TCF12: variants seen among roughly 807,000 people sequenced by gnomAD.
TCF12 encodes the protein transcription factor 12.
In TCF12, 45 loss-of-function variants were observed where a neutral mutation model predicts 86.0. That is an observed-to-expected ratio of 0.52 (90% confidence interval 0.41 to 0.67). TCF12 has a LOEUF of 0.67. TCF12 is among the 30% of genes least tolerant of loss of function. TCF12 has a pLI of 0.00. For missense variants in TCF12, 881 were observed against 859.9 expected (o/e 1.02, Z -0.31); for synonymous variants, 330 against 299.6 (o/e 1.10, Z -1.05).
At chr15:57,235,207 A>G (rs936464420) in intron 12 of TCF12, among the ~76,000 whole-genome samples, 6 of 152,184 alleles carry the variant, frequency 3.9e-5, no homozygotes, top group Non-Finnish European at 8.8e-5. Flanking sequence ...AATGACAATA[A>G]CAAAACCCAC....
chr15:57,275,998 T>C (rs2061380281), intron 19 of TCF12, among the ~76,000 whole-genome samples: 1 of 152,172 alleles, frequency 6.6e-6, no homozygotes, highest in Non-Finnish European at 1.5e-5. Flanking sequence ...ATTTGTACCT[T>C]TGCCATTTTT....
chr15:57,234,214 C>A, intron 12 of TCF12, 107 bp downstream of exon 12: 1 of 847,632 alleles, frequency 1.2e-6, no homozygotes, highest in Non-Finnish European at 2.0e-6. Context: ...GTAACAAGAT[C>A]AATTTCATTA....
chr15:57,047,521 C>CA (rs1439857721), intron 3 of TCF12, among the ~76,000 whole-genome samples: 1 of 152,066 alleles, frequency 6.6e-6, no homozygotes, highest in Non-Finnish European at 1.5e-5. Flanking sequence ...GGTAGATGAG[C>CA]AAAAATTGGT....
chr15:57,134,014 T>G (rs2052343105), intron 5 of TCF12, among the ~76,000 whole-genome samples: 1 of 152,250 alleles, frequency 6.6e-6, no homozygotes, highest in Non-Finnish European at 1.5e-5. Flanking sequence ...TACTGATGTA[T>G]TTTTAAGCTT....
At chr15:57,284,851 C>G (rs1263229731) in intron 20 of TCF12, among the ~76,000 whole-genome samples, 1 of 152,198 alleles carries the variant, frequency 6.6e-6, no homozygotes, top group Non-Finnish European at 1.5e-5. Flanking sequence ...CTATTTCATA[C>G]TGCTCTCATA....
chr15:57,146,571 G>A (rs1370017540), intron 5 of TCF12, among the ~76,000 whole-genome samples: 1 of 152,158 alleles, frequency 6.6e-6, no homozygotes, highest in African/African-American at 2.4e-5. Context: ...AGTCAAGGCA[G>A]AAATACCAAG....
chr15:56,956,249 C>T (rs2061500214), intron 3 of TCF12, among the ~76,000 whole-genome samples: 1 of 150,916 alleles, frequency 6.6e-6, no homozygotes. Flanking sequence ...CATTATCTTG[C>T]CATTTGTTTC....
chr15:57,078,542 A>G (rs1203095424), intron 4 of TCF12, among the ~76,000 whole-genome samples: 1 of 152,198 alleles, frequency 6.6e-6, no homozygotes, highest in Non-Finnish European at 1.5e-5. Context: ...CTTGCATCCT[A>G]TCATCTGGCA....
intron 5 of TCF12, among the ~76,000 whole-genome samples, chr15:57,152,274 C>A (rs2053817108): frequency 6.6e-6 from 1 of 152,098 alleles, no homozygotes; most frequent in Non-Finnish European, 1.5e-5. Flanking sequence ...CACACATAAG[C>A]AAGAGAAAAA....
intron 3 of TCF12, among the ~76,000 whole-genome samples, chr15:56,948,693 A>G (rs1344129084): frequency 6.6e-6 from 1 of 152,212 alleles, no homozygotes; most frequent in Non-Finnish European, 1.5e-5. Flanking sequence ...ATAAGCTTAG[A>G]GGTTACAGCC....
At chr15:57,181,783 A>T (rs1182249459) in intron 6 of TCF12, among the ~76,000 whole-genome samples, 1 of 152,176 alleles carries the variant, frequency 6.6e-6, no homozygotes, top group East Asian at 1.9e-4. Context: ...GTCATATGTA[A>T]TTCAAAATAT....
At chr15:57,084,379 T>TAGTGCTAGTG (rs572136415) in intron 4 of TCF12, among the ~76,000 whole-genome samples, 1 of 152,186 alleles carries the variant, frequency 6.6e-6, no homozygotes, top group Non-Finnish European at 1.5e-5. Flanking sequence ...GGATTTGATG[T>TAGTGCTAGTG]AGTGCTAGTG....
rs562873008 is a variant in TCF12 at position 57,129,620 on chromosome 15, G to A, written c.326-36782G>A. Among the ~76,000 whole-genome samples, 6 of 152,300 alleles carry A rather than the reference G, an allele frequency of 3.9e-5. No homozygotes were observed. The East Asian group carries it at 1.2e-3, about 29-fold the overall frequency. On this transcript the variant is annotated intron_variant, in intron 5 of 20. Coordinates refer to ENST00000333725, the MANE Select transcript of TCF12 (RefSeq NM_207037.2). ...GTGTATCTTCTTTGGAGGAAACTCTGAGACTTAGTGATTTAATTTCTGAAA... is the reference window on the plus strand; with the variant it reads ...GTGTATCTTCTTTGGAGGAAACTCTAAGACTTAGTGATTTAATTTCTGAAA...
Position 57,268,508 on chromosome 15 carries a change from T to C in TCF12, c.1746-4522T>C, listed in dbSNP as rs143428563. ...GCAATTCTCCCATGCCCGCCTCAGC[T>C]TCCCAAACCACTTAGGTTACAAGCA... On this transcript the variant is annotated intron_variant, in intron 18 of 20. Coordinates refer to ENST00000333725, the MANE Select transcript of TCF12 (RefSeq NM_207037.2). 4.1e-3 allele frequency among the ~76,000 whole-genome samples: 618 copies of C among 152,290 alleles called. 3 individuals are homozygous for C. Among genetic ancestry groups the C allele is most frequent in the African/African-American group, 0.014 (601 of 41,554 alleles).
intron 3 of TCF12, among the ~76,000 whole-genome samples, chr15:56,982,217 A>G (rs1428588496): frequency 6.6e-6 from 1 of 152,216 alleles, no homozygotes; most frequent in Non-Finnish European, 1.5e-5. Context: ...TTATTTTAAA[A>G]AAGAATAAAG....
chr15:57,130,532 G>A (rs1460636937), intron 5 of TCF12, among the ~76,000 whole-genome samples: 1 of 152,122 alleles, frequency 6.6e-6, no homozygotes, highest in African/African-American at 2.4e-5. Flanking sequence ...ATTATCAGGG[G>A]ACCAGCTGAG....
At chr15:57,135,899 T>C (rs1162305398) in intron 5 of TCF12, among the ~76,000 whole-genome samples, 2 of 151,692 alleles carry the variant, frequency 1.3e-5, no homozygotes, top group Non-Finnish European at 2.9e-5. Flanking sequence ...ACATCTATTC[T>C]AGCTGTGTTA....
At chr15:57,105,472 G>A (rs1386540565) in intron 5 of TCF12, among the ~76,000 whole-genome samples, 1 of 152,030 alleles carries the variant, frequency 6.6e-6, no homozygotes, top group Non-Finnish European at 1.5e-5. Flanking sequence ...CTGCAGTGGT[G>A]TGCATGATTT....
At chr15:57,263,305 A>G (rs758210590) in intron 18 of TCF12, 31 bp downstream of exon 18, 1 of 1,589,270 alleles carries the variant, frequency 6.3e-7, no homozygotes, top group East Asian at 2.2e-5. Flanking sequence ...TTTAAATTTT[A>G]TTCATTTTCC....
Sources: allele counts gnomAD v4.1 joint callset (sites outside exome capture counted in the v4.1 genomes callset), GRCh38; gene constraint gnomAD v4.1.1; transcripts MANE v1.5; gene names NCBI Gene and HGNC (gene_info 2026-07-23, HGNC 2026-07-21).